Variants in SRRM2 observed in about 807,000 individuals in gnomAD.
The protein encoded by SRRM2 is serine/arginine repetitive matrix 2.
In SRRM2, 30 loss-of-function variants were observed where a neutral mutation model predicts 213.8. The ratio of observed to expected loss-of-function variants is 0.14; its 90% CI spans 0.10 to 0.19. SRRM2 has a LOEUF of 0.19. Ranked by LOEUF, SRRM2 falls within the 10% of genes least tolerant of loss-of-function variation. The pLI, the probability that SRRM2 is intolerant of heterozygous loss-of-function variation, is 1.00. For missense variants in SRRM2, 4,904 were observed against 3,647.0 expected, an observed-to-expected ratio of 1.34 and a Z score of -8.88; for synonymous variants, 2,025 against 1,377.7, an observed-to-expected ratio of 1.47 and a Z score of -10.40.
chr16:2,763,030 T>G lies in SRRM2; in HGVS notation c.2502T>G (p.Ser834Arg). Residue 834 changes from serine to arginine, a missense_variant, in exon 11 of 15, where the codon AGT becomes AGG. Transcript: ENST00000301740. ...KQKSKTPSRQ[S>R]HSSSSPHPKV... is the part of the protein sequence containing the mutation. Reference sequence around the variant, plus strand: ...AATCTAAGACACCATCAAGACAAAGTCATTCCAGTTCATCTCCTCATCCTA... The same window carrying G: ...AATCTAAGACACCATCAAGACAAAGGCATTCCAGTTCATCTCCTCATCCTA... The G allele has an allele frequency of 6.2e-7, 1 of 1,613,954 alleles. No homozygotes were observed. The highest frequency in any genetic ancestry group is 8.5e-7 in the Non-Finnish European group (1 of 1,179,994).
intron 11 of SRRM2, 51 bp downstream of exon 11, chr16:2,768,312 G>A (rs1483459527): frequency 6.6e-7 from 1 of 1,509,114 alleles, no homozygotes; most frequent in Non-Finnish European, 8.8e-7. Context: ...TATTGGGGAT[G>A]GGTTGGGGAG....
intron 5 of SRRM2, 74 bp downstream of exon 5, chr16:2,758,621 C>G (rs760653021): frequency 5.6e-4 from 797 of 1,431,354 alleles, no homozygotes; most frequent in Non-Finnish European, 7.5e-4. Context: ...TGGAAGTGGA[C>G]AGTTCTGGCT....
Position 2,759,682 on chromosome 16 carries a change from A to C in SRRM2, c.833+21A>C, listed in dbSNP as rs756404802. The C allele has an allele frequency of 9.4e-6, 15 of 1,602,478 alleles. No individual in the cohort carries two copies. In the African/African-American group the frequency reaches 1.3e-4, roughly 14 times the overall value. ...AGTCGGTAAGGGGTAGTCCAGGAGG[A>C]AGGGAGGGAGAGGGAATGATGGGTT... is the stretch of plus-strand genomic sequence containing the variant. On this transcript the variant is annotated intron_variant, in intron 9 of 14. Coordinates refer to ENST00000301740, the MANE Select transcript of SRRM2 (RefSeq NM_016333.4).
Position 2,754,299 on chromosome 16 carries a change from T to C in SRRM2, c.-32+1453T>C, listed in dbSNP as rs555788665. On this transcript the variant is annotated intron_variant, in intron 1 of 14. Coordinates refer to ENST00000301740, the MANE Select transcript of SRRM2 (RefSeq NM_016333.4). ...GCTTAGCACCTACTGGTTTTTCTTT[T>C]TTTTTTTTTTCCGAGACGGAGTCTA... is the stretch of plus-strand genomic sequence containing the variant. Among the ~76,000 whole-genome samples the C allele has an allele frequency of 5.3e-5, 8 of 152,116 alleles. No individual in the cohort carries two copies. In the East Asian group the frequency reaches 1.5e-3, roughly 29 times the overall value.
At chr16:2,768,686 T>G (rs1277533951) in intron 11 of SRRM2, 1 of 668,802 alleles carries the variant, frequency 1.5e-6, no homozygotes, top group Non-Finnish European at 2.7e-6. Flanking sequence ...AAGCTGCGGC[T>G]CTCCGAGGAA....
intron 9 of SRRM2, 173 bp downstream of exon 9, chr16:2,759,834 C>T (rs1037409551): frequency 1.7e-5 from 10 of 595,424 alleles, no homozygotes; most frequent in South Asian, 9.0e-5. Flanking sequence ...ATATACATTT[C>T]CCCTTCTCTT....
rs140983799 is a variant in SRRM2, at chr16:2,761,711, T to C, written c.1183T>C (p.Ser395Pro). The C allele has an allele frequency of 8.8e-4, 1,414 of 1,606,156 alleles. 6 individuals carry two copies. The African/African-American group carries it at 0.014, about 16-fold the overall frequency. ...PLSQEPVNPP[S>P]EASPTRDRSP... ...AAGCCAGGAGCCAGTGAACCCCCCA[T>C]CTGAGGCCTCTCCAACTCGGGACCG... The change falls in exon 11 of 15, where the codon TCT (serine) becomes CCT (proline). Residue 395 changes from serine (S) to proline (P), a missense_variant. By Grantham distance (74) the Ser-to-Pro change is moderately conservative. Coordinates refer to ENST00000301740, the MANE Select transcript of SRRM2 (RefSeq NM_016333.4).
intron 8 of SRRM2, 69 bp downstream of exon 8, chr16:2,759,471 G>A: frequency 6.3e-7 from 1 of 1,597,296 alleles, no homozygotes; most frequent in Non-Finnish European, 8.6e-7. Flanking sequence ...GGAGTTGAAT[G>A]AGTTATGTCC....
At chr16:2,768,433 A>G (rs1421374299) in intron 11 of SRRM2, 172 bp downstream of exon 11, 5 of 711,496 alleles carry the variant, frequency 7.0e-6, no homozygotes, top group Non-Finnish European at 1.2e-5. Flanking sequence ...CGGAGGGAGG[A>G]GGAATGGGAC....
rs1448423078 is a variant in SRRM2, at chr16:2,761,412, G to C, written c.1033-149G>C. 4 of 586,210 alleles carry C rather than the reference G, an allele frequency of 6.8e-6. No individual in the cohort carries two copies. The East Asian group carries it at 1.2e-4, about 17-fold the overall frequency. The allele number at this position is 586,210 out of a possible 1,614,324, so 36.3% of individuals were successfully genotyped here. On this transcript the variant is annotated intron_variant, in intron 10 of 14. Coordinates refer to ENST00000301740, the MANE Select transcript of SRRM2 (RefSeq NM_016333.4). Reference sequence around the variant, plus strand: ...ATGTTTTCACCACTGTGCTTTATATGATTCCTTGTTATTGAATGAAAGTGA... The same window carrying C: ...ATGTTTTCACCACTGTGCTTTATATCATTCCTTGTTATTGAATGAAAGTGA...
At chr16:2,761,400 T>C (rs545611775) in intron 10 of SRRM2, among the ~76,000 whole-genome samples, 161 bp from the exon 11 acceptor site, 1 of 152,382 alleles carries the variant, frequency 6.6e-6, no homozygotes, top group African/African-American at 2.4e-5. Context: ...TTTTCACCAC[T>C]GTGCTTTATA....
In SRRM2 at chr16:2,767,277, T is replaced by G. The variant is rs764996887; in HGVS notation, c.6749T>G (p.Ile2250Ser). The change falls in exon 11 of 15, where the codon ATT (isoleucine) becomes AGT (serine). Residue 2250 changes from isoleucine to serine, a missense_variant. Coordinates refer to ENST00000301740, the MANE Select transcript of SRRM2 (RefSeq NM_016333.4). The part of the protein sequence containing the change: ...MNLASARTPA[I>S]PTAVNLADSR... The stretch of plus-strand genomic sequence containing the variant: ...CTAGCCAGCGCCAGGACACCTGCCA[T>G]TCCAACAGCAGTGAACCTGGCTGAC... 29 of 1,613,910 alleles carry G rather than the reference T, an allele frequency of 1.8e-5. No homozygotes were observed. The highest frequency in any genetic ancestry group is 2.5e-6 in the Non-Finnish European group (3 of 1,180,018).
intron 8 of SRRM2, 58 bp downstream of exon 8, chr16:2,759,460 G>A (rs1381784655): frequency 5.5e-5 from 88 of 1,597,604 alleles, no homozygotes; most frequent in Non-Finnish European, 6.6e-5. Context: ...CTTAGTGGGA[G>A]GGAGTTGAAT....
rs140636308 is a variant in SRRM2, at chr16:2,767,532, C to T, written c.7004C>T (p.Ser2335Phe). 1.2e-6 allele frequency: 2 copies of T among 1,614,230 alleles called. No homozygotes were observed. The highest frequency in any genetic ancestry group is 1.7e-6 in the Non-Finnish European group (2 of 1,180,042). Residue 2335 changes from serine (S) to phenylalanine (F), a missense_variant, in exon 11 of 15, where the codon TCT becomes TTT. Coordinates refer to ENST00000301740, the MANE Select transcript of SRRM2 (RefSeq NM_016333.4). The stretch of plus-strand genomic sequence containing the variant: ...TCCAGAACACCACAGGCTCCAGCCT[C>T]TGCAAACCTGGTGGGTCCTCGGTCT... ...SSSRTPQAPA[S>F]ANLVGPRSAH...
intron 7 of SRRM2, 61 bp from the exon 8 acceptor site, chr16:2,759,291 C>T (rs1427519819): frequency 6.2e-7 from 1 of 1,607,958 alleles, no homozygotes; most frequent in Non-Finnish European, 8.5e-7. Flanking sequence ...TTCCATTTCA[C>T]TTTTGGTTTT....
chr16:2,766,347 C>G lies in SRRM2; in HGVS notation c.5819C>G (p.Pro1940Arg). ...VTRRRSRSRT[P>R]TTRRRSRSRT... ...CGCCGTCGTTCAAGGTCTAGAACGC[C>G]AACAACACGCCGCCGCTCCCGTTCT... is the stretch of plus-strand genomic sequence containing the variant. Residue 1940 changes from proline to arginine, a missense_variant, in exon 11 of 15, where the codon CCA (proline) becomes CGA (arginine). By Grantham distance (103) the Pro-to-Arg change is moderately radical (BLOSUM62 -2). Coordinates refer to ENST00000301740, the MANE Select transcript of SRRM2 (RefSeq NM_016333.4). The surrounding 1 kb of genome is among the most constrained non-coding windows in gnomAD (Gnocchi z 7.0). The G allele has an allele frequency of 6.2e-7, 1 of 1,614,172 alleles. No individual in the cohort carries two copies. Among genetic ancestry groups the G allele is most frequent in the South Asian group, 1.1e-5 (1 of 91,082 alleles).
At chr16:2,768,928 C>T (rs759208258) in intron 11 of SRRM2, 69 bp from the exon 12 acceptor site, 3 of 1,601,546 alleles carry the variant, frequency 1.9e-6, no homozygotes, top group Non-Finnish European at 2.6e-6. Flanking sequence ...TGCCGTTCCT[C>T]CAGGCCAAGG....
Position 2,771,348 on chromosome 16 carries a change from G to C in SRRM2, c.*481G>C. ...TTTTCATGTTTCTTAAAGGCATTTTGGTTTTTTAAAATCTGTACAGCAAGA... is the reference window on the plus strand; with the variant it reads ...TTTTCATGTTTCTTAAAGGCATTTTCGTTTTTTAAAATCTGTACAGCAAGA... On this transcript the variant is annotated 3_prime_UTR_variant, in exon 15 of 15. Transcript: ENST00000301740. 6.6e-7 allele frequency: 1 copy of C among 1,507,162 alleles called. No homozygotes were observed. Among genetic ancestry groups the C allele is most frequent in the East Asian group, 2.3e-5 (1 of 44,382 alleles). 93.4% of individuals were successfully genotyped at this position (1,507,162 alleles called of 1,614,324 possible). A position where few individuals can be genotyped will look rare whatever the true frequency, so the allele number is the denominator to read the frequency against.
intron 7 of SRRM2, 69 bp downstream of exon 7, chr16:2,759,241 A>T (rs370053653): frequency 2.5e-6 from 4 of 1,604,270 alleles, no homozygotes; most frequent in African/African-American, 2.7e-5. Flanking sequence ...CTTGGAGTGA[A>T]GCTCAATTCC....
Sources: gnomAD v4.1 joint callset for allele counts (sites outside exome capture counted in the v4.1 genomes callset) on GRCh38, gnomAD v4.1.1 for gene constraint, Gnocchi (gnomAD v3.1) non-coding constraint, MANE v1.5 for transcripts, NCBI Gene and HGNC (gene_info 2026-07-23, HGNC 2026-07-21) for gene names.